The following ITSN1 variants were observed in gnomAD, a reference collection of about 807,000 sequenced individuals.
ITSN1 encodes intersectin 1, also known as intersectin-1.
ITSN1 carries 58 observed loss-of-function variants against 239.8 expected under a neutral mutation model. The ratio of observed to expected loss-of-function variants is 0.24; its 90% confidence interval spans 0.20 to 0.30. The LOEUF (loss-of-function observed/expected upper bound fraction) is 0.30, where lower values mean the gene tolerates loss of function less well. ITSN1 is among the 10% of genes least tolerant of loss of function. The pLI is 1.00. For synonymous variants in ITSN1, 780 were observed against 770.8 expected, an observed-to-expected ratio of 1.01 and a Z score of -0.20; for missense variants, 1,558 against 2,103.3, an observed-to-expected ratio of 0.74 and a Z score of 5.07.
At chr21:33,838,286 C>T (rs1034828366) in intron 29 of ITSN1, 5 of 985,264 alleles carry the variant, frequency 5.1e-6, no homozygotes, top group African/African-American at 1.7e-5. Context: ...CCGGCGCTGT[C>T]GGGAGGCTGT....
chr21:33,796,757 A>T (rs995582951), intron 17 of ITSN1, among the ~76,000 whole-genome samples: 2 of 152,212 alleles, frequency 1.3e-5, no homozygotes, highest in African/African-American at 4.8e-5. Context: ...GTCATTTGTT[A>T]TTACATATTA....
intron 1 of ITSN1, among the ~76,000 whole-genome samples, chr21:33,649,719 G>C (rs2146101545): frequency 6.6e-6 from 1 of 152,178 alleles, no homozygotes; most frequent in Non-Finnish European, 1.5e-5. Context: ...ATTCGAATGT[G>C]AAAATAACAA....
intron 1 of ITSN1, among the ~76,000 whole-genome samples, chr21:33,665,149 G>C (rs2089844140): frequency 1.3e-5 from 2 of 152,136 alleles, no homozygotes; most frequent in African/African-American, 4.8e-5. Flanking sequence ...TGTAATCCCA[G>C]CTACTCGGGA....
intron 29 of ITSN1, among the ~76,000 whole-genome samples, chr21:33,843,681 G>A (rs933168826): frequency 4.6e-5 from 7 of 152,110 alleles, no homozygotes; most frequent in African/African-American, 1.4e-4. Context: ...TGATTCAGAC[G>A]GAGCATCCAC....
chr21:33,881,694 G>A (rs896052041), intron 34 of ITSN1, among the ~76,000 whole-genome samples: 2 of 152,102 alleles, frequency 1.3e-5, no homozygotes, highest in African/African-American at 4.8e-5. Flanking sequence ...ATAAAAAAGA[G>A]AAATGGCCAA....
At chr21:33,885,785 C>T (rs569429069) in intron 38 of ITSN1, among the ~76,000 whole-genome samples, 1 of 152,266 alleles carries the variant, frequency 6.6e-6, no homozygotes, top group South Asian at 2.1e-4. Context: ...AGTAACGAGA[C>T]AGGAAGGGCC....
At chr21:33,812,708 A>T (rs1021730856) in intron 21 of ITSN1, among the ~76,000 whole-genome samples, 1 of 152,152 alleles carries the variant, frequency 6.6e-6, no homozygotes, top group Admixed American at 6.5e-5. Context: ...TATGTTGCCC[A>T]GGCTGATCTT....
At chr21:33,726,141 C>G (rs554622485) in intron 4 of ITSN1, among the ~76,000 whole-genome samples, 4 of 152,178 alleles carry the variant, frequency 2.6e-5, no homozygotes, top group African/African-American at 7.2e-5. Context: ...TTACAGGTGC[C>G]CACGACCATG....
chr21:33,894,328 A>C lies in ITSN1; in HGVS notation c.*6028A>C, dbSNP rs1370856521. On this transcript the variant is annotated 3_prime_UTR_variant, in exon 40 of 40. Coordinates refer to ENST00000381318, the MANE Select transcript of ITSN1 (RefSeq NM_003024.3). The stretch of plus-strand genomic sequence containing the variant: ...CCTGGGGGAGCCATATTACACCCAC[A>C]TCATAATTTTTCTGACACTATGTGT... 6.6e-6 allele frequency: 1 copy of C among 152,170 alleles called. No individual in the cohort carries two copies. Among genetic ancestry groups the C allele is most frequent in the Non-Finnish European group, 1.5e-5 (1 of 68,030 alleles). 9.4% of individuals were successfully genotyped at this position (152,170 alleles called of 1,614,324 possible). A position where few individuals can be genotyped will look rare whatever the true frequency, so the allele number is the denominator to read the frequency against.
chr21:33,855,252 C>T (rs1602605983), intron 29 of ITSN1, among the ~76,000 whole-genome samples: 1 of 152,218 alleles, frequency 6.6e-6, no homozygotes, highest in East Asian at 1.9e-4. Context: ...TGTTACATCA[C>T]AGATACCCAG....
chr21:33,792,052 T>TTTGTTAGACATTGTGATGAACAATGTC (rs1470703591), intron 16 of ITSN1, among the ~76,000 whole-genome samples: 1 of 152,158 alleles, frequency 6.6e-6, no homozygotes, highest in Non-Finnish European at 1.5e-5. Flanking sequence ...ACTTTATTTG[T>TTTGTTAGACATTGTGATGAACAATGTC]TTGTTAGACA....
intron 4 of ITSN1, among the ~76,000 whole-genome samples, chr21:33,729,158 C>T (rs2066009443): frequency 6.6e-6 from 1 of 152,132 alleles, no homozygotes; most frequent in South Asian, 2.1e-4. Context: ...CCACTACAAA[C>T]AACAAATTTA....
intron 29 of ITSN1, among the ~76,000 whole-genome samples, chr21:33,846,230 C>G (rs2074986976): frequency 6.6e-6 from 1 of 152,166 alleles, no homozygotes; most frequent in African/African-American, 2.4e-5. Context: ...GCTGCAAATG[C>G]CTTTGCCCCA....
intron 22 of ITSN1, among the ~76,000 whole-genome samples, chr21:33,816,795 GA>G (rs1352968884): frequency 1.3e-5 from 2 of 152,178 alleles, no homozygotes; most frequent in African/African-American, 2.4e-5. Context: ...GGGGAAAATG[GA>G]AGGTCGAGAA....
chr21:33,658,156 AAATTAT>A (rs1601472693), intron 1 of ITSN1, among the ~76,000 whole-genome samples: 1 of 152,328 alleles, frequency 6.6e-6, no homozygotes, highest in East Asian at 1.9e-4. Context: ...AGTATTAAGA[AAATTAT>A]AAGGAAGATA....
chr21:33,886,210 T>TAA (rs559819556), intron 38 of ITSN1, 77 bp from the exon 39 acceptor site: 1,575 of 998,414 alleles, frequency 1.6e-3, no homozygotes, highest in Middle Eastern at 2.0e-3. Flanking sequence ...AGAATCCATC[T>TAA]AAAAAAAAAA....
chr21:33,690,847 TA>T (rs755469647), intron 1 of ITSN1, among the ~76,000 whole-genome samples: 5,711 of 49,376 alleles, frequency 0.12, 413 homozygotes, highest in African/African-American at 0.23. Flanking sequence ...ATGTAAAAGT[TA>T]AAAAAAAAAA....
intron 5 of ITSN1, among the ~76,000 whole-genome samples, chr21:33,743,760 A>G (rs2067007731): frequency 6.6e-6 from 1 of 152,248 alleles, no homozygotes; most frequent in Admixed American, 6.5e-5. Flanking sequence ...AAAAGAAAGC[A>G]TATGACTTAC....
At chr21:33,796,038 A>G (rs2071537337) in intron 17 of ITSN1, among the ~76,000 whole-genome samples, 1 of 149,812 alleles carries the variant, frequency 6.7e-6, no homozygotes. Flanking sequence ...ATCTCGGCTC[A>G]CTGCAACCTC....
Sources: allele counts gnomAD v4.1 joint callset (sites outside exome capture counted in the v4.1 genomes callset), GRCh38; gene constraint gnomAD v4.1.1; transcripts MANE v1.5; gene names NCBI Gene and HGNC (gene_info 2026-07-23, HGNC 2026-07-21).